Variants in HHAT observed in about 807,000 individuals in gnomAD.
HHAT encodes hedgehog acyltransferase.
HHAT carries 47 observed loss-of-function variants against 70.8 expected under a neutral mutation model. The observed-to-expected ratio is 0.66, with a 90% CI of 0.53 to 0.85. The LOEUF (loss-of-function observed/expected upper bound fraction) is 0.85. Ranked by LOEUF, HHAT falls within the 40% of genes least tolerant of loss-of-function variation. HHAT has a pLI of 0.00. For synonymous variants in HHAT, 228 were observed against 247.6 expected, an observed-to-expected ratio of 0.92 and a Z score of 0.74; for missense variants, 609 against 604.8, an observed-to-expected ratio of 1.01 and a Z score of -0.07.
chr1:210,420,667 TAAAAAAACAAAA>T (rs1003606601), intron 7 of HHAT, among the ~76,000 whole-genome samples: 2 of 134,620 alleles, frequency 1.5e-5, no homozygotes, highest in African/African-American at 5.3e-5. Context: ...TAATAAAATT[TAAAAAAACAAAA>T]AAAAAAACAA....
At chr1:210,486,196 T>C (rs1190678248) in intron 8 of HHAT, among the ~76,000 whole-genome samples, 1 of 152,186 alleles carries the variant, frequency 6.6e-6, no homozygotes, top group Non-Finnish European at 1.5e-5. Context: ...TCCCTTTTGA[T>C]AGAAGTGTAA....
At chr1:210,577,790 C>CAT (rs982059493) in intron 9 of HHAT, among the ~76,000 whole-genome samples, 2 of 151,792 alleles carry the variant, frequency 1.3e-5, no homozygotes, top group Non-Finnish European at 2.9e-5. Flanking sequence ...GGATTACAGG[C>CAT]ATGCACCACC....
intron 2 of HHAT, among the ~76,000 whole-genome samples, chr1:210,356,738 G>A (rs964685769): frequency 3.3e-5 from 5 of 152,174 alleles, no homozygotes; most frequent in Admixed American, 2.6e-4. Flanking sequence ...CGGGTCATGG[G>A]CTTTGTTAGG....
At chr1:210,355,951 C>T (rs1043447069) in intron 2 of HHAT, among the ~76,000 whole-genome samples, 5 of 152,072 alleles carry the variant, frequency 3.3e-5, no homozygotes, top group Non-Finnish European at 7.4e-5. Context: ...GTGTCTCATC[C>T]TGTTGCTCAG....
chr1:210,356,050 A>G (rs1217168297), intron 2 of HHAT, among the ~76,000 whole-genome samples: 1 of 151,470 alleles, frequency 6.6e-6, no homozygotes, highest in Non-Finnish European at 1.5e-5. Context: ...CTAAGTAGCT[A>G]GGACTACAGG....
At chr1:210,330,853 G>T (rs930752478) in intron 1 of HHAT, among the ~76,000 whole-genome samples, 2 of 152,132 alleles carry the variant, frequency 1.3e-5, no homozygotes, top group Admixed American at 6.5e-5. Context: ...GAGTCTCGCT[G>T]GGTCACCCAG....
chr1:210,523,644 G>A lies in HHAT; in HGVS notation c.1043+10456G>A, dbSNP rs1163768059. Among the ~76,000 whole-genome samples, 32 of 152,256 alleles carry A rather than the reference G, an allele frequency of 2.1e-4. 1 individual carries two copies. The highest frequency in any genetic ancestry group is 8.8e-5 in the Non-Finnish European group (6 of 68,030). On this transcript the variant is annotated intron_variant, in intron 9 of 11. Coordinates refer to ENST00000261458, the MANE Select transcript of HHAT (RefSeq NM_018194.6). ...CGCACACGTGCGCATGTGTGTTGCA[G>A]CCCCCTCCCAGGTAGTGAGCAGGGT...
At chr1:210,583,947 A>ATTTTTT (rs371722219) in intron 9 of HHAT, among the ~76,000 whole-genome samples, 1,587 of 88,886 alleles carry the variant, frequency 0.018, 22 homozygotes, top group Non-Finnish European at 0.023. Flanking sequence ...AGTGCAGCTA[A>ATTTTTT]TTTTTTTTTT....
intron 8 of HHAT, among the ~76,000 whole-genome samples, chr1:210,478,487 TGA>T (rs10531639): frequency 0.16 from 23,565 of 151,906 alleles, 2,328 homozygotes; most frequent in South Asian, 0.26. Context: ...ATTGGGATGG[TGA>T]AATAGGAAGG....
At chr1:210,533,145 CT>C (rs2095332164) in intron 9 of HHAT, among the ~76,000 whole-genome samples, 1 of 152,178 alleles carries the variant, frequency 6.6e-6, no homozygotes, top group South Asian at 2.1e-4. Flanking sequence ...TGGAACACCC[CT>C]GATCCTCACC....
At chr1:210,411,973 C>T (rs1357245882) in intron 6 of HHAT, among the ~76,000 whole-genome samples, 1 of 152,170 alleles carries the variant, frequency 6.6e-6, no homozygotes, top group Non-Finnish European at 1.5e-5. Context: ...ATTTATTTCT[C>T]ACAGTTCTAG....
Position 210,676,284 on chromosome 1 carries a change from G to A in HHAT, c.*1905G>A, listed in dbSNP as rs1681045544. On this transcript the variant is annotated 3_prime_UTR_variant, in exon 12 of 12. Transcript: ENST00000261458. ...TCTCAGGAATTAATAAATGATTACTGTGTTTAGCTCTGTATTTGAGGCTGA... is the reference window on the plus strand; with the variant it reads ...TCTCAGGAATTAATAAATGATTACTATGTTTAGCTCTGTATTTGAGGCTGA... The A allele has an allele frequency of 1.3e-5, 2 of 152,172 alleles. No individual in the cohort carries two copies. The highest frequency in any genetic ancestry group is 4.1e-4 in the South Asian group (2 of 4,828). The allele number at this position is 152,172 out of a possible 1,614,324, so 9.4% of individuals were successfully genotyped here. A position where few individuals can be genotyped will look rare whatever the true frequency, so the allele number is the denominator to read the frequency against.
chr1:210,480,640 T>C (rs763850991), intron 8 of HHAT, among the ~76,000 whole-genome samples: 2 of 152,198 alleles, frequency 1.3e-5, no homozygotes, highest in Non-Finnish European at 2.9e-5. Context: ...CCTTGCTGTC[T>C]TGCACTTTCC....
intron 11 of HHAT, among the ~76,000 whole-genome samples, chr1:210,640,539 G>GT (rs144510897): frequency 0.1 from 15,015 of 149,852 alleles, 818 homozygotes; most frequent in East Asian, 0.17. Flanking sequence ...TGTGGACACA[G>GT]TTTTTTTTTT....
At chr1:210,494,541 G>GTTTTTTTT (rs2094600779) in intron 8 of HHAT, among the ~76,000 whole-genome samples, 1 of 61,944 alleles carries the variant, frequency 1.6e-5, no homozygotes, top group African/African-American at 6.7e-5. Context: ...GTTTGAAATA[G>GTTTTTTTT]CTTTTTTTTT....
intron 9 of HHAT, among the ~76,000 whole-genome samples, chr1:210,580,551 C>T (rs531981802): frequency 7.0e-6 from 1 of 142,628 alleles, no homozygotes; most frequent in Non-Finnish European, 1.5e-5. Flanking sequence ...CCACGTGTCT[C>T]ATTGTTCAAT....
chr1:210,389,055 T>C (rs1474873661), intron 4 of HHAT, among the ~76,000 whole-genome samples: 1 of 152,228 alleles, frequency 6.6e-6, no homozygotes, highest in Non-Finnish European at 1.5e-5. Context: ...TTTATGGTCT[T>C]AGTGCATTTT....
rs71785485 is a variant in HHAT, at chr1:210,491,064, A to AGAGAGTGTGT, written c.1008-22088_1008-22087insAGAGTGTGTG. ...TTTTGTGAGACACACACACACACAT[A>AGAGAGTGTGT]GTGTGTGTGTGTGTGTGTGTGTCTG... On this transcript the variant is annotated intron_variant, in intron 8 of 11. Coordinates refer to ENST00000261458, the MANE Select transcript of HHAT (RefSeq NM_018194.6). 7.2e-3 allele frequency among the ~76,000 whole-genome samples: 262 copies of AGAGAGTGTGT among 36,230 alleles called. 1 individual carries two copies. The highest frequency in any genetic ancestry group is 0.05 in the Middle Eastern group (2 of 40). 23.8% of individuals were successfully genotyped at this position (36,230 alleles called of 152,430 possible). A position where few individuals can be genotyped will look rare whatever the true frequency, so the allele number is the denominator to read the frequency against.
intron 9 of HHAT, among the ~76,000 whole-genome samples, chr1:210,570,452 G>A (rs1057445376): frequency 1.3e-5 from 2 of 152,158 alleles, no homozygotes; most frequent in Admixed American, 6.5e-5. Flanking sequence ...TAGCCCCTGG[G>A]AACTAGGGAC....
Sources: allele counts gnomAD v4.1 joint callset (sites outside exome capture counted in the v4.1 genomes callset), GRCh38; gene constraint gnomAD v4.1.1; transcripts MANE v1.5; gene names NCBI Gene and HGNC (gene_info 2026-07-23, HGNC 2026-07-21).